UBR4: variants seen among roughly 807,000 people sequenced by gnomAD.
The protein encoded by UBR4 is E3 ubiquitin-protein ligase UBR4.
In UBR4, 124 loss-of-function variants were observed where a neutral mutation model predicts 575.6. The ratio of observed to expected loss-of-function variants is 0.22; its 90% confidence interval spans 0.19 to 0.25. UBR4 has a LOEUF of 0.25. Among genes scored for constraint, UBR4 ranks in the 10% least tolerant of loss-of-function variants. The probability of loss-of-function intolerance (pLI) is 1.00; values close to 1 mark genes in which losing one functional copy is unlikely to be tolerated. For missense variants in UBR4, 4,818 were observed against 6,478.8 expected, an observed-to-expected ratio of 0.74 and a Z score of 8.80; for synonymous variants, 2,455 against 2,473.7, an observed-to-expected ratio of 0.99 and a Z score of 0.22.
chr1:19,161,822 C>G lies in UBR4; in HGVS notation c.5027+5G>C, dbSNP rs1322617247. The G allele has an allele frequency of 1.2e-6, 2 of 1,614,114 alleles. No individual in the cohort carries two copies. Among genetic ancestry groups the G allele is most frequent in the African/African-American group, 1.3e-5 (1 of 74,946 alleles). On this transcript the variant is annotated splice_donor_5th_base_variant and intron_variant, in intron 36 of 105. Transcript: ENST00000375254. ...TCTTCACCTTAAAGGAAGAACTACC[C>G]TTACCAATGCTGGTTCATGAATTCT... is the stretch of plus-strand genomic sequence containing the variant.
intron 11 of UBR4, among the ~76,000 whole-genome samples, chr1:19,191,666 T>C (rs2092092955): frequency 6.6e-6 from 1 of 152,156 alleles, no homozygotes; most frequent in African/African-American, 2.4e-5. Context: ...ATGCCTAGAA[T>C]AGGGCCTAGT....
Position 19,089,374 on chromosome 1 carries a change from A to C in UBR4, c.14212-397T>G, listed in dbSNP as rs1398955517. Among the ~76,000 whole-genome samples, 1 of 152,214 alleles carries C rather than the reference A, an allele frequency of 6.6e-6. No homozygotes were observed. The highest frequency in any genetic ancestry group is 1.5e-5 in the Non-Finnish European group (1 of 68,034). On this transcript the variant is annotated intron_variant, in intron 97 of 105. Coordinates refer to ENST00000375254, the MANE Select transcript of UBR4 (RefSeq NM_020765.3). The surrounding 1 kb of genome is among the most constrained non-coding windows in gnomAD (Gnocchi z 4.3). Reference sequence around the variant, plus strand: ...TACTGAGTGGTGAACCAGCAGCCAGAGCAGGCACTGGACGTTCTCCTAAGG... The same window carrying C: ...TACTGAGTGGTGAACCAGCAGCCAGCGCAGGCACTGGACGTTCTCCTAAGG...
intron 105 of UBR4, 27 bp downstream of exon 105, chr1:19,076,712 CT>C: frequency 6.2e-7 from 1 of 1,613,998 alleles, no homozygotes; most frequent in Non-Finnish European, 8.5e-7. Flanking sequence ...TGCGGAGGAT[CT>C]TTAAAAGAGA....
Position 19,122,840 on chromosome 1 carries a change from A to G in UBR4, c.9809T>C (p.Ile3270Thr). 6.2e-7 allele frequency: 1 copy of G among 1,614,226 alleles called. No homozygotes were observed. The highest frequency in any genetic ancestry group is 8.5e-7 in the Non-Finnish European group (1 of 1,180,034). The change falls in exon 66 of 106, where the codon ATC (isoleucine) becomes ACC (threonine). Residue 3270 changes from isoleucine (I) to threonine (T), a missense_variant. Coordinates refer to ENST00000375254, the MANE Select transcript of UBR4 (RefSeq NM_020765.3). ...AGGTCCCAGCCCTCGTACCAGGCTG[A>G]TGAGTGTGTCATATTGCAAGGCGGA... ...SGSALQYDTLISLMEHLKACA... is the reference protein window; with the variant it reads ...SGSALQYDTLTSLMEHLKACA...
Position 19,153,625 on chromosome 1 carries a change from AAAG to A in UBR4, c.6631-126_6631-124del. On this transcript the variant is annotated intron_variant, in intron 45 of 105. Coordinates refer to ENST00000375254, the MANE Select transcript of UBR4 (RefSeq NM_020765.3). This position sits in a 1 kb window ranked among gnomAD's most constrained non-coding sequence, Gnocchi z 4.1. ...TTGAGGGGCTGTACAGAAGGGTGGC[AAAG>A]AAAAGGCATCTAGAAGAAAAAGGAC... 1 of 1,467,220 alleles carries A rather than the reference AAAG, an allele frequency of 6.8e-7. No homozygotes were observed. 90.9% of individuals were successfully genotyped at this position (1,467,220 alleles called of 1,614,324 possible).
rs1400155084 is a variant in UBR4, at chr1:19,100,505, C to T, written c.13092G>A (p.Gln4364=). The T allele has an allele frequency of 6.2e-7, 1 of 1,614,104 alleles. No individual in the cohort carries two copies. Among genetic ancestry groups the T allele is most frequent in the Non-Finnish European group, 8.5e-7 (1 of 1,180,022 alleles). The stretch of plus-strand genomic sequence containing the variant: ...TATACGGGTTCCCAGGCATCCTGCC[C>T]TGTAAGAAGTCTTCTTGTTGGGGAT... ...EKDPQQEDFL[Q]GRMPGNPYSS... The change falls in exon 89 of 106, where the codon CAG becomes CAA. Residue 4364 remains glutamine, a synonymous_variant. Coordinates refer to ENST00000375254, the MANE Select transcript of UBR4 (RefSeq NM_020765.3). The surrounding 1 kb of genome is among the most constrained non-coding windows in gnomAD (Gnocchi z 4.2).
rs35963937 is a variant in UBR4, at chr1:19,123,451, T to TAAAA, written c.9589-395_9589-392dup. Among the ~76,000 whole-genome samples the TAAAA allele has an allele frequency of 1.1e-4, 15 of 135,806 alleles. 1 individual carries two copies. The highest frequency in any genetic ancestry group is 3.8e-3 in the Middle Eastern group (1 of 266). The allele number at this position is 135,806 out of a possible 152,430, so 89.1% of individuals were successfully genotyped here. A position where few individuals can be genotyped will look rare whatever the true frequency, so the allele number is the denominator to read the frequency against. The stretch of plus-strand genomic sequence containing the variant: ...GGGTCAACAGAGTGAGACTTGGTCT[T>TAAAA]AAAAAAAAAAAAAAAAACAAAGGCT... On this transcript the variant is annotated intron_variant, in intron 65 of 105. Transcript: ENST00000375254.
At chr1:19,160,303 C>G (rs575241884) in intron 38 of UBR4, 22 bp from the exon 39 acceptor site, 4 of 1,454,476 alleles carry the variant, frequency 2.8e-6, no homozygotes, top group Admixed American at 2.2e-5. Context: ...AGAAAAAATA[C>G]ACCAGTGAAA....
chr1:19,155,764 CAG>C, intron 42 of UBR4, 96 bp from the exon 43 acceptor site: 3 of 1,023,834 alleles, frequency 2.9e-6, no homozygotes, highest in Non-Finnish European at 4.4e-6. Context: ...TGACCAATAA[CAG>C]GCATTCATTC....
Position 19,078,042 on chromosome 1 carries a change from G to T in UBR4, c.15258C>A (p.Asp5086Glu), listed in dbSNP as rs1389271470. The change falls in exon 104 of 106, where the codon GAC becomes GAA. Residue 5086 changes from aspartate to glutamate, a missense_variant. By Grantham distance (45) the Asp-to-Glu change is conservative. Coordinates refer to ENST00000375254, the MANE Select transcript of UBR4 (RefSeq NM_020765.3). ...ATRLTDKAVKDYSAYRSSLLF... is the reference protein window; with the variant it reads ...ATRLTDKAVKEYSAYRSSLLF... ...GAAGGGAAGAACGGTAAGCGGAATA[G>T]TCCTTCACTGCCTTATCTGTCAGCC... 2 of 1,613,974 alleles carry T rather than the reference G, an allele frequency of 1.2e-6. No individual in the cohort carries two copies. The highest frequency in any genetic ancestry group is 2.7e-5 in the African/African-American group (2 of 74,892).
intron 103 of UBR4, chr1:19,079,807 C>T (rs2076310346): frequency 6.6e-6 from 1 of 152,252 alleles, no homozygotes; most frequent in South Asian, 2.1e-4. Context: ...GTATTTGGCC[C>T]TTTGCTGTGG....
intron 25 of UBR4, among the ~76,000 whole-genome samples, chr1:19,172,185 AT>A (rs1006633041): frequency 1.3e-3 from 188 of 149,042 alleles, no homozygotes; most frequent in African/African-American, 2.7e-3. Context: ...TCATTTAGAG[AT>A]TTTTTTTTTT....
chr1:19,181,471 T>C (rs191003555), intron 17 of UBR4, among the ~76,000 whole-genome samples: 118 of 152,262 alleles, frequency 7.7e-4, no homozygotes, highest in Admixed American at 2.2e-3. Flanking sequence ...TTCATTTGAG[T>C]TTTAAACTCA....
At chr1:19,202,567 T>C (rs1476313848) in intron 1 of UBR4, among the ~76,000 whole-genome samples, 1 of 152,072 alleles carries the variant, frequency 6.6e-6, no homozygotes, top group Non-Finnish European at 1.5e-5. Flanking sequence ...AAGTCCAAAA[T>C]TCACTGGATA....
At position 19,074,902 on chromosome 1, in the gene UBR4, A is replaced by C. The variant is rs1014578497; in HGVS notation, c.15488-6T>G. ...GGTGATTTCTGATAAAAGACCTGCAAAGCACAACGGGCAGAGGTGTGTCAG... is the reference window on the plus strand; with the variant it reads ...GGTGATTTCTGATAAAAGACCTGCACAGCACAACGGGCAGAGGTGTGTCAG... On this transcript the variant is annotated splice_region_variant and splice_polypyrimidine_tract_variant and intron_variant, in intron 105 of 105. Coordinates refer to ENST00000375254, the MANE Select transcript of UBR4 (RefSeq NM_020765.3). 2 of 1,613,782 alleles carry C rather than the reference A, an allele frequency of 1.2e-6. No individual in the cohort carries two copies. The highest frequency in any genetic ancestry group is 2.7e-5 in the African/African-American group (2 of 74,892).
Position 19,104,190 on chromosome 1 carries a change from A to G in UBR4, c.12795T>C (p.Thr4265=), listed in dbSNP as rs11586454. The change falls in exon 87 of 106, where the codon ACT becomes ACC. Residue 4265 remains threonine (T), a synonymous_variant. Transcript: ENST00000375254. ...GCAAGCACAGGTATCCATTCAGCAC[A>G]GTACCCACCAAGCGACTTTTAAAAT... ...KRHFKSRLVG[T]VLNGYLCLRK... 2,084 of 1,614,278 alleles carry G rather than the reference A, an allele frequency of 1.3e-3. 25 individuals carry two copies. The African/African-American group carries it at 0.025, about 19-fold the overall frequency.
intron 25 of UBR4, among the ~76,000 whole-genome samples, chr1:19,171,182 G>C (rs2089474907): frequency 6.6e-6 from 1 of 150,918 alleles, no homozygotes; most frequent in Admixed American, 6.6e-5. Flanking sequence ...ATACAGTAAA[G>C]GCTCTGAATA....
chr1:19,189,840 T>TG (rs1253459858), intron 11 of UBR4, among the ~76,000 whole-genome samples: 1 of 152,234 alleles, frequency 6.6e-6, no homozygotes, highest in African/African-American at 2.4e-5. Context: ...CCGTTTGCTC[T>TG]GGAACACTCT....
intron 35 of UBR4, among the ~76,000 whole-genome samples, chr1:19,162,144 C>T (rs1418382382): frequency 6.6e-6 from 1 of 152,184 alleles, no homozygotes. Flanking sequence ...GCTTCCACTA[C>T]CCCCCATGAA....
Sources: gnomAD v4.1 joint callset for allele counts (sites outside exome capture counted in the v4.1 genomes callset) on GRCh38, gnomAD v4.1.1 for gene constraint, Gnocchi (gnomAD v3.1) non-coding constraint, MANE v1.5 for transcripts, NCBI Gene and HGNC (gene_info 2026-07-23, HGNC 2026-07-21) for gene names.